The following ATP11B variants were observed in gnomAD, a reference collection of about 807,000 sequenced individuals.
ATP11B encodes the protein phospholipid-transporting ATPase IF.
In ATP11B, 81 loss-of-function variants were observed where a neutral mutation model predicts 157.8. That is an observed-to-expected ratio of 0.51 (90% confidence interval 0.43 to 0.62). The LOEUF (loss-of-function observed/expected upper bound fraction) is 0.62, where lower values mean the gene tolerates loss of function less well. ATP11B is among the 20% of genes least tolerant of loss of function. ATP11B has a pLI of 0.00. For missense variants in ATP11B, 1,165 were observed against 1,402.2 expected, an observed-to-expected ratio of 0.83 and a Z score of 2.70; for synonymous variants, 451 against 469.4, an observed-to-expected ratio of 0.96 and a Z score of 0.51.
At chr3:182,813,225 A>G (rs138046007) in intron 1 of ATP11B, among the ~76,000 whole-genome samples, 1 of 152,322 alleles carries the variant, frequency 6.6e-6, no homozygotes, top group East Asian at 1.9e-4. Context: ...TCTTTGAAGT[A>G]TATACCCAGA....
At position 182,837,116 on chromosome 3, in the gene ATP11B, A is replaced by G. The variant is rs1400524785; in HGVS notation, c.598A>G (p.Asn200Asp). 6.2e-7 allele frequency: 1 copy of G among 1,613,560 alleles called. No homozygotes were observed. Among genetic ancestry groups the G allele is most frequent in the East Asian group, 2.2e-5 (1 of 44,828 alleles). Reference sequence around the variant, plus strand: ...AACAGCATTATTACAAACAGTTGCCAATTTGGACACTCTAGTAGCTGTAAT... The same window carrying G: ...AACAGCATTATTACAAACAGTTGCCGATTTGGACACTCTAGTAGCTGTAAT... ...PETALLQTVA[N>D]LDTLVAVIEC... Residue 200 changes from asparagine to aspartate, a missense_variant, in exon 7 of 30, where the codon AAT becomes GAT. Physicochemically the swap from Asn to Asp is conservative, Grantham distance 23. Around this residue, in one of 4 missense-constraint regions of ATP11B, gnomAD observed 737 missense variants for 930.5 expected, o/e 0.79. Transcript: ENST00000323116.
intron 4 of ATP11B, among the ~76,000 whole-genome samples, chr3:182,830,322 CAAAA>C (rs5854958): frequency 1.0e-5 from 1 of 99,174 alleles, no homozygotes. Flanking sequence ...GATCCTGTCT[CAAAA>C]AAAAAAAAAA....
At position 182,880,872 on chromosome 3, in the gene ATP11B, C is replaced by T. The variant is rs779066786; in HGVS notation, c.2407-7C>T. ...GTCATAAATAACCAATTCATTATGT[C>T]TTTCAGGTAATAAGACTAATAAAAA... is the stretch of plus-strand genomic sequence containing the variant. On this transcript the variant is annotated splice_polypyrimidine_tract_variant and splice_region_variant and intron_variant, in intron 20 of 29. Coordinates refer to ENST00000323116, the MANE Select transcript of ATP11B (RefSeq NM_014616.3). The T allele has an allele frequency of 1.9e-6, 3 of 1,549,594 alleles. No homozygotes were observed. Among genetic ancestry groups the T allele is most frequent in the Admixed American group, 4.1e-5 (2 of 49,006 alleles).
intron 1 of ATP11B, among the ~76,000 whole-genome samples, chr3:182,799,338 C>T (rs1007791394): frequency 6.7e-6 from 1 of 150,314 alleles, no homozygotes; most frequent in Non-Finnish European, 1.5e-5. Context: ...AGTGCAGTTG[C>T]GCGATCTCAG....
Position 182,828,059 on chromosome 3 carries a change from A to G in ATP11B, c.145-61A>G, listed in dbSNP as rs557702711. The G allele has an allele frequency of 1.3e-5, 9 of 715,984 alleles. No homozygotes were observed. The South Asian group carries it at 2.5e-4, about 20-fold the overall frequency. The allele number at this position is 715,984 out of a possible 1,614,324, so 44.4% of individuals were successfully genotyped here. A position where few individuals can be genotyped will look rare whatever the true frequency, so the allele number is the denominator to read the frequency against. Reference sequence around the variant, plus strand: ...AACCGATTTTACTTTACTTCTTAATATTATGTCTATATACTTGATATTATT... The same window carrying G: ...AACCGATTTTACTTTACTTCTTAATGTTATGTCTATATACTTGATATTATT... On this transcript the variant is annotated intron_variant, in intron 2 of 29. Coordinates refer to ENST00000323116, the MANE Select transcript of ATP11B (RefSeq NM_014616.3).
chr3:182,793,816 C>A, intron 1 of ATP11B, 30 bp downstream of exon 1: 3 of 1,310,456 alleles, frequency 2.3e-6, no homozygotes, highest in Non-Finnish European at 2.9e-6. Flanking sequence ...CACCTCCATT[C>A]GTCCGCCCCC....
At chr3:182,915,780 A>G (rs1725100866) in intron 29 of ATP11B, 1 of 984,618 alleles carries the variant, frequency 1.0e-6, no homozygotes, top group Non-Finnish European at 1.2e-6. Flanking sequence ...GGAGTTATTG[A>G]ATTTACTTTT....
At chr3:182,822,893 T>G (rs2108500555) in intron 2 of ATP11B, among the ~76,000 whole-genome samples, 1 of 152,386 alleles carries the variant, frequency 6.6e-6, no homozygotes, top group African/African-American at 2.4e-5. Context: ...TTTTCATGTG[T>G]ATTTTGGCTG....
intron 28 of ATP11B, among the ~76,000 whole-genome samples, chr3:182,901,120 C>T (rs373827036): frequency 6.6e-6 from 1 of 152,106 alleles, no homozygotes; most frequent in East Asian, 1.9e-4. Context: ...TTGCAGTGAG[C>T]TGAGATGGCG....
intron 13 of ATP11B, 34 bp downstream of exon 13, chr3:182,865,732 C>A: frequency 6.5e-7 from 1 of 1,541,182 alleles, no homozygotes; most frequent in East Asian, 2.4e-5. Context: ...ATAAGGGTTT[C>A]ATATGAAATA....
intron 19 of ATP11B, among the ~76,000 whole-genome samples, chr3:182,878,753 A>C (rs1722222206): frequency 6.6e-6 from 1 of 152,128 alleles, no homozygotes; most frequent in Admixed American, 6.5e-5. Context: ...CTGTTCCTTC[A>C]TTCTTTTCCT....
At chr3:182,894,405 C>T (rs1350194720) in intron 25 of ATP11B, among the ~76,000 whole-genome samples, 1 of 152,068 alleles carries the variant, frequency 6.6e-6, no homozygotes, top group Non-Finnish European at 1.5e-5. Context: ...AGGCTGGTCA[C>T]GAACTCCCAA....
chr3:182,898,551 C>A, intron 27 of ATP11B, 56 bp from the exon 28 acceptor site: 2 of 1,442,192 alleles, frequency 1.4e-6, no homozygotes, highest in Non-Finnish European at 1.9e-6. Flanking sequence ...TATATGATGT[C>A]CTGATTTAAG....
At chr3:182,878,904 A>G (rs1174889635) in intron 19 of ATP11B, among the ~76,000 whole-genome samples, 1 of 152,188 alleles carries the variant, frequency 6.6e-6, no homozygotes, top group East Asian at 1.9e-4. Flanking sequence ...ATTTGGGAGA[A>G]TATCCTCAGA....
intron 29 of ATP11B, chr3:182,916,181 A>G: frequency 1.0e-6 from 1 of 985,328 alleles, no homozygotes; most frequent in Non-Finnish European, 1.2e-6. Flanking sequence ...TTGTTTACAT[A>G]TAATTGTATT....
At chr3:182,901,161 A>T (rs1723932547) in intron 28 of ATP11B, among the ~76,000 whole-genome samples, 1 of 151,982 alleles carries the variant, frequency 6.6e-6, no homozygotes, top group African/African-American at 2.4e-5. Context: ...CGACAGAGCG[A>T]GACTCCATCT....
chr3:182,807,437 G>A (rs1716392930), intron 1 of ATP11B, among the ~76,000 whole-genome samples: 1 of 152,202 alleles, frequency 6.6e-6, no homozygotes, highest in Non-Finnish European at 1.5e-5. Context: ...ATATCTTAAT[G>A]TGTATCTCCT....
intron 1 of ATP11B, among the ~76,000 whole-genome samples, chr3:182,809,278 T>A (rs1409414538): frequency 2.0e-5 from 3 of 152,178 alleles, no homozygotes; most frequent in African/African-American, 7.2e-5. Context: ...AGACAGACTT[T>A]TGGTCTGTCG....
rs762897338 is a variant in ATP11B, at chr3:182,845,530, C to T, written c.769+8C>T. The T allele has an allele frequency of 1.9e-6, 3 of 1,563,322 alleles. No individual in the cohort carries two copies. The highest frequency in any genetic ancestry group is 1.4e-5 in the African/African-American group (1 of 72,132). On this transcript the variant is annotated splice_region_variant and intron_variant, in intron 9 of 29. Coordinates refer to ENST00000323116, the MANE Select transcript of ATP11B (RefSeq NM_014616.3). ...ACACAAAAGAAATTTTTGGTTTGTA[C>T]ATATTTAAACATTTTAAATTATTGA...
Sources: gnomAD v4.1 joint callset for allele counts (sites outside exome capture counted in the v4.1 genomes callset) on GRCh38, gnomAD v4.1.1 for gene constraint, gnomAD v4.1.1 regional missense constraint, MANE v1.5 for transcripts, NCBI Gene and HGNC (gene_info 2026-07-23, HGNC 2026-07-21) for gene names.